Variants in ANKS1B observed in about 807,000 individuals in gnomAD.
ANKS1B encodes the protein ankyrin repeat and sterile alpha motif domain-containing protein 1B.
In ANKS1B, 36 loss-of-function variants were observed where a neutral mutation model predicts 148.3. The observed-to-expected ratio is 0.24, with a 90% CI of 0.19 to 0.32. The LOEUF (loss-of-function observed/expected upper bound fraction) is 0.32. Among genes scored for constraint, ANKS1B ranks in the 10% least tolerant of loss-of-function variants. The pLI, the probability that ANKS1B is intolerant of heterozygous loss-of-function variation, is 1.00. For missense variants in ANKS1B, 1,157 were observed against 1,542.6 expected (o/e 0.75, Z 4.19); for synonymous variants, 542 against 560.8 (o/e 0.97, Z 0.47).
In ANKS1B at chr12:99,571,346, T is replaced by C. The variant is rs528027930; in HGVS notation, c.1273-66705A>G. Among the ~76,000 whole-genome samples, 52 of 152,048 alleles carry C rather than the reference T, an allele frequency of 3.4e-4. 1 individual carries two copies. In the South Asian group the frequency reaches 0.011, roughly 31 times the overall value. ...TGTTGTATACACAAATATAGCTATA[T>C]CTACAGGTATAGATAGAGAGATATA... On this transcript the variant is annotated intron_variant, in intron 9 of 26. Coordinates refer to ENST00000683438, the MANE Select transcript of ANKS1B (RefSeq NM_001352186.2).
intron 1 of ANKS1B, among the ~76,000 whole-genome samples, chr12:99,936,646 C>T (rs2094779547): frequency 6.6e-6 from 1 of 152,086 alleles, no homozygotes; most frequent in Non-Finnish European, 1.5e-5. Flanking sequence ...CCATTCCTAC[C>T]TCTGTTTGCT....
intron 8 of ANKS1B, among the ~76,000 whole-genome samples, chr12:99,680,609 T>G (rs551314972): frequency 6.6e-6 from 1 of 152,054 alleles, no homozygotes; most frequent in Non-Finnish European, 1.5e-5. Flanking sequence ...TGACCAAGCA[T>G]GAATTTTCCT....
chr12:99,818,919 T>A (rs1275822860), intron 2 of ANKS1B, among the ~76,000 whole-genome samples: 1 of 151,816 alleles, frequency 6.6e-6, no homozygotes, highest in Non-Finnish European at 1.5e-5. Flanking sequence ...TGAGCAAAAT[T>A]AAATAAATTG....
At position 99,795,316 on chromosome 12, in the gene ANKS1B, G is replaced by A. The variant is rs116678399; in HGVS notation, c.669+11088C>T. Among the ~76,000 whole-genome samples the A allele has an allele frequency of 9.1e-3, 1,377 of 151,616 alleles. 23 individuals carry two copies. The highest frequency in any genetic ancestry group is 0.031 in the African/African-American group (1,289 of 41,380). On this transcript the variant is annotated intron_variant, in intron 4 of 26. Coordinates refer to ENST00000683438, the MANE Select transcript of ANKS1B (RefSeq NM_001352186.2). Reference sequence around the variant, plus strand: ...AAGAAATAATAATTAGATCAATAGCGGACTTCACAACAAAAATAAATAATA... The same window carrying A: ...AAGAAATAATAATTAGATCAATAGCAGACTTCACAACAAAAATAAATAATA...
intron 12 of ANKS1B, among the ~76,000 whole-genome samples, chr12:99,355,918 TGAAGA>T (rs1049502542): frequency 2.2e-4 from 33 of 152,070 alleles, no homozygotes; most frequent in African/African-American, 5.5e-4. Flanking sequence ...CTTTTCTCAG[TGAAGA>T]GAAAAGGATG....
At chr12:99,736,777 A>C (rs1268894773) in intron 8 of ANKS1B, among the ~76,000 whole-genome samples, 1 of 152,176 alleles carries the variant, frequency 6.6e-6, no homozygotes, top group Non-Finnish European at 1.5e-5. Context: ...AATGAAAGAA[A>C]GTATTTGCAA....
At chr12:99,342,482 C>A (rs535556925) in intron 12 of ANKS1B, among the ~76,000 whole-genome samples, 15 of 151,902 alleles carry the variant, frequency 9.9e-5, no homozygotes, top group African/African-American at 3.6e-4. Flanking sequence ...GAGGTAGAAA[C>A]CCAACCAATG....
chr12:99,703,898 T>G (rs1043631145), intron 8 of ANKS1B, among the ~76,000 whole-genome samples: 2 of 152,116 alleles, frequency 1.3e-5, no homozygotes, highest in African/African-American at 2.4e-5. Flanking sequence ...GGGCATCAGG[T>G]ATCATGTACC....
At chr12:99,138,957 C>CT (rs1165586281) in intron 15 of ANKS1B, among the ~76,000 whole-genome samples, 1 of 151,544 alleles carries the variant, frequency 6.6e-6, no homozygotes, top group South Asian at 2.1e-4. Flanking sequence ...CTTTCTCTCT[C>CT]TTTTTTCTTT....
chr12:99,154,655 A>G (rs1452414645), intron 14 of ANKS1B: 2 of 1,440,164 alleles, frequency 1.4e-6, no homozygotes, highest in East Asian at 5.0e-5. Context: ...ACTACCGACC[A>G]GTACGTCATA....
chr12:98,834,026 T>C (rs78518092), intron 17 of ANKS1B, among the ~76,000 whole-genome samples: 2,841 of 152,292 alleles, frequency 0.019, 73 homozygotes, highest in African/African-American at 0.061. Flanking sequence ...CTGATGTAGA[T>C]TTTAAACTCA....
At chr12:99,600,067 T>C (rs529711768) in intron 9 of ANKS1B, among the ~76,000 whole-genome samples, 2 of 152,140 alleles carry the variant, frequency 1.3e-5, no homozygotes, top group African/African-American at 2.4e-5. Context: ...TTTAGCCACC[T>C]AGACTGTATC....
At chr12:98,970,869 C>T (rs12310252) in intron 17 of ANKS1B, among the ~76,000 whole-genome samples, 45,839 of 152,018 alleles carry the variant, frequency 0.3, 7,803 homozygotes, top group African/African-American at 0.46. Context: ...CTATGGGCCT[C>T]CACAGGTTGA....
chr12:99,246,955 A>G (rs1047192785), intron 12 of ANKS1B, 91 bp from the exon 13 acceptor site: 2 of 994,718 alleles, frequency 2.0e-6, no homozygotes, highest in African/African-American at 1.6e-5. Flanking sequence ...TGGGCTATCC[A>G]AACATTTCAT....
At chr12:99,655,331 C>T (rs2098444806) in intron 8 of ANKS1B, 121 bp from the exon 9 acceptor site, 7 of 869,104 alleles carry the variant, frequency 8.1e-6, no homozygotes, top group Non-Finnish European at 1.2e-5. Flanking sequence ...TCACTTTTAG[C>T]CACAGTTACA....
chr12:99,093,811 A>G (rs534556456), intron 15 of ANKS1B, among the ~76,000 whole-genome samples: 1 of 152,328 alleles, frequency 6.6e-6, no homozygotes, highest in South Asian at 2.1e-4. Context: ...ACTGAGAACT[A>G]CATTCAGAAA....
intron 1 of ANKS1B, among the ~76,000 whole-genome samples, chr12:99,936,109 T>A (rs1019456259): frequency 1.3e-5 from 2 of 152,034 alleles, no homozygotes; most frequent in Admixed American, 1.3e-4. Flanking sequence ...CATGATCTGA[T>A]TACCTCCACC....
chr12:99,921,595 T>TC (rs1566002923), intron 1 of ANKS1B, among the ~76,000 whole-genome samples: 1 of 151,248 alleles, frequency 6.6e-6, no homozygotes, highest in African/African-American at 2.4e-5. Flanking sequence ...CTGCTCACAC[T>TC]CCCCCCAAAA....
intron 14 of ANKS1B, among the ~76,000 whole-genome samples, chr12:99,230,292 T>C (rs535500654): frequency 9.9e-5 from 15 of 152,236 alleles, no homozygotes; most frequent in Admixed American, 5.9e-4. Flanking sequence ...TGATAGAATA[T>C]ATTATCTCTG....
Sources: allele counts gnomAD v4.1 joint callset (sites outside exome capture counted in the v4.1 genomes callset), GRCh38; gene constraint gnomAD v4.1.1; transcripts MANE v1.5; gene names NCBI Gene and HGNC (gene_info 2026-07-23, HGNC 2026-07-21).